The following TACR1 variants were observed in gnomAD, a reference collection of about 807,000 sequenced individuals.
The protein encoded by TACR1 is substance-P receptor.
In TACR1, 25 loss-of-function variants were observed where a neutral mutation model predicts 35.8. The ratio of observed to expected loss-of-function variants is 0.70; its 90% CI spans 0.51 to 0.98. TACR1 has a LOEUF of 0.98. TACR1 is among the 50% of genes least tolerant of loss of function. TACR1 has a pLI of 0.00. For missense variants in TACR1, 478 were observed against 522.9 expected (o/e 0.91, Z 0.84); for synonymous variants, 195 against 206.7 (o/e 0.94, Z 0.48).
chr2:75,066,260 A>G (rs1191153900), intron 2 of TACR1, among the ~76,000 whole-genome samples: 4 of 152,222 alleles, frequency 2.6e-5, no homozygotes, highest in Admixed American at 6.5e-5. Flanking sequence ...ATTAAGGTGT[A>G]AGGAAGGTAA....
At chr2:75,178,254 G>A (rs1467032535) in intron 1 of TACR1, among the ~76,000 whole-genome samples, 2 of 150,492 alleles carry the variant, frequency 1.3e-5, no homozygotes, top group East Asian at 2.0e-4. Context: ...GTGTCATCTC[G>A]GCTCACTGCA....
intron 2 of TACR1, among the ~76,000 whole-genome samples, chr2:75,061,056 G>A (rs528358195): frequency 6.6e-6 from 1 of 152,128 alleles, no homozygotes; most frequent in Non-Finnish European, 1.5e-5. Context: ...TTAGATGTCT[G>A]TATCTGGATT....
intron 1 of TACR1, chr2:75,186,751 T>A (rs1230125780): frequency 6.6e-6 from 1 of 150,842 alleles, no homozygotes; most frequent in Non-Finnish European, 1.5e-5. Context: ...GTAATTTGCA[T>A]TTTTTTCTAT....
intron 1 of TACR1, among the ~76,000 whole-genome samples, chr2:75,127,558 TG>T (rs1392233161): frequency 2.0e-5 from 3 of 152,196 alleles, no homozygotes; most frequent in East Asian, 1.9e-4. Flanking sequence ...CCATAAAAAA[TG>T]GGTGCAAAGT....
At chr2:75,162,969 C>T (rs551169928) in intron 1 of TACR1, among the ~76,000 whole-genome samples, 1 of 152,304 alleles carries the variant, frequency 6.6e-6, no homozygotes, top group African/African-American at 2.4e-5. Flanking sequence ...TTATACTTCC[C>T]AGTCCGTTTG....
At chr2:75,112,871 T>C (rs1673777642) in intron 2 of TACR1, among the ~76,000 whole-genome samples, 1 of 152,198 alleles carries the variant, frequency 6.6e-6, no homozygotes, top group Non-Finnish European at 1.5e-5. Flanking sequence ...AACATAACAT[T>C]ACTGTTTCAA....
intron 1 of TACR1, among the ~76,000 whole-genome samples, chr2:75,121,833 G>T (rs1673976334): frequency 6.6e-6 from 1 of 152,270 alleles, no homozygotes; most frequent in Non-Finnish European, 1.5e-5. Flanking sequence ...CTGACAGTCA[G>T]GTGTCTCTGA....
chr2:75,138,192 G>A (rs1280331065), intron 1 of TACR1, among the ~76,000 whole-genome samples: 1 of 152,200 alleles, frequency 6.6e-6, no homozygotes, highest in Non-Finnish European at 1.5e-5. Context: ...CACTTTGAAA[G>A]GGGTATGTGA....
At chr2:75,130,400 C>A (rs1674154657) in intron 1 of TACR1, among the ~76,000 whole-genome samples, 1 of 152,072 alleles carries the variant, frequency 6.6e-6, no homozygotes, top group African/African-American at 2.4e-5. Flanking sequence ...AGCAGGAAGC[C>A]CCTAACAGTT....
At chr2:75,121,464 C>T (rs1306859038) in intron 1 of TACR1, among the ~76,000 whole-genome samples, 1 of 152,220 alleles carries the variant, frequency 6.6e-6, no homozygotes, top group African/African-American at 2.4e-5. Flanking sequence ...AAGAGGGGAG[C>T]ACAGCAAATG....
chr2:75,130,870 T>C (rs1302478878), intron 1 of TACR1, among the ~76,000 whole-genome samples: 1 of 152,246 alleles, frequency 6.6e-6, no homozygotes, highest in East Asian at 1.9e-4. Context: ...CTGTGAAGCA[T>C]GACTTCTCGC....
Position 75,185,547 on chromosome 2 carries a change from T to G in TACR1, c.389+12999A>C, listed in dbSNP as rs1237498183. On this transcript the variant is annotated intron_variant, in intron 1 of 4. Transcript: ENST00000305249. Reference sequence around the variant, plus strand: ...GGAATTTAAAAATTAAGATTTAAATTTAAAGCTCTATTAATTCACAAATAC... The same window carrying G: ...GGAATTTAAAAATTAAGATTTAAATGTAAAGCTCTATTAATTCACAAATAC... 3.9e-5 allele frequency among the ~76,000 whole-genome samples: 6 copies of G among 152,254 alleles called. No homozygotes were observed. The East Asian group carries it at 7.7e-4, about 20-fold the overall frequency.
chr2:75,165,383 C>T (rs924590041), intron 1 of TACR1, among the ~76,000 whole-genome samples: 1 of 151,992 alleles, frequency 6.6e-6, no homozygotes, highest in African/African-American at 2.4e-5. Flanking sequence ...GATCTCGGCT[C>T]ACTGCAAGCT....
Position 75,061,872 on chromosome 2 carries a change from C to G in TACR1, c.585-8117G>C, listed in dbSNP as rs112668736. On this transcript the variant is annotated intron_variant, in intron 2 of 4. Coordinates refer to ENST00000305249, the MANE Select transcript of TACR1 (RefSeq NM_001058.4). ...AGACAGGGAAGGAAGCAAATTCTTA[C>G]TGCAGTCTCTGCTCAAATTGCACAA... Among the ~76,000 whole-genome samples the G allele has an allele frequency of 9.0e-3, 1,365 of 152,316 alleles. 14 individuals are homozygous for G. Among genetic ancestry groups the G allele is most frequent in the African/African-American group, 0.031 (1,290 of 41,570 alleles).
intron 2 of TACR1, among the ~76,000 whole-genome samples, chr2:75,092,148 G>C (rs996791052): frequency 2.0e-5 from 3 of 152,166 alleles, no homozygotes; most frequent in African/African-American, 4.8e-5. Flanking sequence ...TGATCTTGTA[G>C]GGTGACGTAA....
intron 1 of TACR1, among the ~76,000 whole-genome samples, chr2:75,138,764 C>G (rs556093972): frequency 2.2e-5 from 2 of 91,738 alleles, no homozygotes; most frequent in Non-Finnish European, 4.8e-5. Flanking sequence ...TCTACTCATT[C>G]AATCATTCAT....
intron 2 of TACR1, among the ~76,000 whole-genome samples, chr2:75,088,452 T>C (rs1006412699): frequency 2.0e-5 from 3 of 152,244 alleles, no homozygotes; most frequent in Non-Finnish European, 4.4e-5. Flanking sequence ...AACATGGTTA[T>C]ATAATTATAT....
intron 1 of TACR1, among the ~76,000 whole-genome samples, chr2:75,166,204 C>T (rs1024363554): frequency 1.3e-5 from 2 of 152,094 alleles, no homozygotes; most frequent in Admixed American, 6.5e-5. Context: ...GGGAGAAAAA[C>T]GTGGTCATCT....
chr2:75,072,839 A>G (rs182004895), intron 2 of TACR1, among the ~76,000 whole-genome samples: 48 of 152,368 alleles, frequency 3.2e-4, no homozygotes, highest in African/African-American at 9.1e-4. Context: ...TTCAAGGTCT[A>G]TGGTTCCAAG....
Sources: allele counts gnomAD v4.1 joint callset (sites outside exome capture counted in the v4.1 genomes callset), GRCh38; gene constraint gnomAD v4.1.1; transcripts MANE v1.5; gene names NCBI Gene and HGNC (gene_info 2026-07-23, HGNC 2026-07-21).